MCRS1: variants seen among roughly 807,000 people sequenced by gnomAD.
MCRS1 encodes the protein microspherule protein 1.
Under a neutral mutation model 62.9 loss-of-function variants are expected in MCRS1, and 22 were observed. That is an observed-to-expected ratio of 0.35 (90% CI 0.25 to 0.50). MCRS1 has a LOEUF of 0.50. Among genes scored for constraint, MCRS1 ranks in the 20% least tolerant of loss-of-function variants. The probability of loss-of-function intolerance (pLI) is 0.98; values close to 1 mark genes in which losing one functional copy is unlikely to be tolerated. For missense variants in MCRS1, 456 were observed against 601.1 expected (o/e 0.76, Z 2.52); for synonymous variants, 244 against 233.5 (o/e 1.04, Z -0.41).
intron 4 of MCRS1, 200 bp downstream of exon 4, chr12:49,565,329 G>A (rs1938998414): frequency 1.0e-6 from 1 of 985,406 alleles, no homozygotes; most frequent in Non-Finnish European, 1.2e-6. Context: ...TGCAATGGCA[G>A]GGTTGGGGGT....
rs191517895 is a variant in MCRS1, at chr12:49,565,747, C to G, written c.150-80G>C. On this transcript the variant is annotated intron_variant, in intron 3 of 14. Coordinates refer to ENST00000343810, the MANE Select transcript of MCRS1 (RefSeq NM_006337.5). ...CACACCCCCAGCCCCCAAAAGAGAG[C>G]AGGTGCCCAGTAGGGTGCTATCTGC... 2.5e-6 allele frequency: 4 copies of G among 1,596,906 alleles called. No individual in the cohort carries two copies. The East Asian group carries it at 8.9e-5, about 36-fold the overall frequency.
Position 49,559,120 on chromosome 12 carries a change from C to G in MCRS1, c.1174+94G>C. On this transcript the variant is annotated intron_variant, in intron 13 of 14. Coordinates refer to ENST00000343810, the MANE Select transcript of MCRS1 (RefSeq NM_006337.5). This position sits in a 1 kb window ranked among gnomAD's most constrained non-coding sequence, Gnocchi z 5.2. ...TGCCTCAGGTGGTCCACGAGGGTCC[C>G]CATGGACACCAAGCCCAGGGCTAGA... 6.6e-7 allele frequency: 1 copy of G among 1,521,864 alleles called. No homozygotes were observed. Among genetic ancestry groups the G allele is most frequent in the Non-Finnish European group, 9.0e-7 (1 of 1,106,614 alleles). The allele number at this position is 1,521,864 out of a possible 1,614,324, so 94.3% of individuals were successfully genotyped here.
intron 4 of MCRS1, 82 bp from the exon 5 acceptor site, chr12:49,564,977 T>G (rs1938976867): frequency 1.3e-6 from 2 of 1,484,192 alleles, no homozygotes; most frequent in Non-Finnish European, 1.8e-6. Context: ...TCACATACTC[T>G]GTGGCAGCGG....
chr12:49,559,710 G>A lies in MCRS1; in HGVS notation c.1003+19C>T. 2 of 1,613,488 alleles carry A rather than the reference G, an allele frequency of 1.2e-6. No individual in the cohort carries two copies. The highest frequency in any genetic ancestry group is 1.7e-6 in the Non-Finnish European group (2 of 1,179,552). On this transcript the variant is annotated intron_variant, in intron 11 of 14. Transcript: ENST00000343810. This position sits in a 1 kb window ranked among gnomAD's most constrained non-coding sequence, Gnocchi z 5.2. ...AAGGATGCTGAAGAGTGAGCCTTCTGGTGCCCAGGCCTCCTCACCTGTGAT... is the reference window on the plus strand; with the variant it reads ...AAGGATGCTGAAGAGTGAGCCTTCTAGTGCCCAGGCCTCCTCACCTGTGAT...
At chr12:49,561,235 C>T (rs1938749484) in intron 8 of MCRS1, among the ~76,000 whole-genome samples, 1 of 152,206 alleles carries the variant, frequency 6.6e-6, no homozygotes, top group Non-Finnish European at 1.5e-5. Flanking sequence ...AATCTGAAAA[C>T]CTCTGCTTTT....
At position 49,564,727 on chromosome 12, in the gene MCRS1, G is replaced by C; in HGVS notation, c.447+10C>G. 6.2e-7 allele frequency: 1 copy of C among 1,606,982 alleles called. No homozygotes were observed. The highest frequency in any genetic ancestry group is 8.5e-7 in the Non-Finnish European group (1 of 1,175,380). ...AAAGGGGCACACTGAGCCTATGGTG[G>C]GGGCACTACCTGCAACACAGCATTT... On this transcript the variant is annotated intron_variant, in intron 5 of 14. Coordinates refer to ENST00000343810, the MANE Select transcript of MCRS1 (RefSeq NM_006337.5).
chr12:49,563,845 C>T (rs899702501), intron 6 of MCRS1, among the ~76,000 whole-genome samples: 1 of 152,232 alleles, frequency 6.6e-6, no homozygotes, highest in Non-Finnish European at 1.5e-5. Flanking sequence ...TTGGCCAAAG[C>T]TGCCACCCCC....
chr12:49,558,834 C>T lies in MCRS1; in HGVS notation c.1302+9G>A, dbSNP rs749608486. On this transcript the variant is annotated intron_variant, in intron 14 of 14. Transcript: ENST00000343810. The stretch of plus-strand genomic sequence containing the variant: ...TCATCCTGGCCTTCCTGCCTCCTCC[C>T]CAGCTCACCTCCACCACAGAGTTGT... 3.7e-4 allele frequency: 602 copies of T among 1,613,124 alleles called. No individual in the cohort carries two copies. The highest frequency in any genetic ancestry group is 4.9e-4 in the Non-Finnish European group (573 of 1,180,034).
intron 5 of MCRS1, 67 bp downstream of exon 5, chr12:49,564,670 C>T: frequency 1.9e-6 from 3 of 1,604,608 alleles, no homozygotes; most frequent in Non-Finnish European, 2.6e-6. Context: ...CCCTGTTGGG[C>T]TAATTTTGGG....
At chr12:49,566,314 C>G (rs1318923998) in intron 2 of MCRS1, 99 bp from the exon 3 acceptor site, 3 of 1,520,296 alleles carry the variant, frequency 2.0e-6, no homozygotes, top group Non-Finnish European at 2.7e-6. Context: ...GCCCTCTTGG[C>G]CCCTCCCCTG....
At chr12:49,560,082 G>A in intron 9 of MCRS1, 115 bp from the exon 10 acceptor site, 2 of 1,429,264 alleles carry the variant, frequency 1.4e-6, no homozygotes, top group Non-Finnish European at 2.0e-6. Context: ...TGGTACATCA[G>A]GCCTTGGCCC....
intron 8 of MCRS1, among the ~76,000 whole-genome samples, chr12:49,561,792 C>T (rs1565789907): frequency 6.6e-6 from 1 of 152,154 alleles, no homozygotes; most frequent in Non-Finnish European, 1.5e-5. Context: ...CCAGGCCTGG[C>T]TACTTTTTGT....
chr12:49,559,674 A>G lies in MCRS1; in HGVS notation c.1003+55T>C. The G allele has an allele frequency of 1.2e-6, 2 of 1,604,376 alleles. No individual in the cohort carries two copies. Among genetic ancestry groups the G allele is most frequent in the Non-Finnish European group, 1.7e-6 (2 of 1,172,100 alleles). ...CCCAGCCAGGCAGCAACAGGGGCAC[A>G]GGCTGGGGCGAAGGATGCTGAAGAG... On this transcript the variant is annotated intron_variant, in intron 11 of 14. Transcript: ENST00000343810. This position sits in a 1 kb window ranked among gnomAD's most constrained non-coding sequence, Gnocchi z 5.2.
At chr12:49,562,166 C>T (rs1468910063) in intron 8 of MCRS1, among the ~76,000 whole-genome samples, 1 of 152,174 alleles carries the variant, frequency 6.6e-6, no homozygotes, top group Non-Finnish European at 1.5e-5. Flanking sequence ...TTTTCCTAAG[C>T]AGAAGCTGCG....
Position 49,559,887 on chromosome 12 carries a change from T to C in MCRS1, c.910+52A>G. Reference sequence around the variant, plus strand: ...CACCAGCACCTTGTACTGGTCCTCTTGATTCTGGCAGGAGCTTCCATCCCC... The same window carrying C: ...CACCAGCACCTTGTACTGGTCCTCTCGATTCTGGCAGGAGCTTCCATCCCC... On this transcript the variant is annotated intron_variant, in intron 10 of 14. Transcript: ENST00000343810. This position sits in a 1 kb window ranked among gnomAD's most constrained non-coding sequence, Gnocchi z 5.2. The C allele has an allele frequency of 1.2e-6, 2 of 1,614,118 alleles. No individual in the cohort carries two copies. The highest frequency in any genetic ancestry group is 1.7e-6 in the Non-Finnish European group (2 of 1,179,976).
At position 49,560,338 on chromosome 12, in the gene MCRS1, T is replaced by G. The variant is rs1264826998; in HGVS notation, c.838A>C (p.Asn280His). 6.2e-7 allele frequency: 1 copy of G among 1,614,206 alleles called. No homozygotes were observed. Among genetic ancestry groups the G allele is most frequent in the Admixed American group, 1.7e-5 (1 of 60,028 alleles). Reference sequence around the variant, plus strand: ...ATCAGGTCCTCTGCATCAGAGAAGTTCAGCACTTGGTCCCCTTTGGGCAGC... The same window carrying G: ...ATCAGGTCCTCTGCATCAGAGAAGTGCAGCACTTGGTCCCCTTTGGGCAGC... ...QPLPKGDQVL[N>H]FSDAEDLIDD... Residue 280 changes from asparagine (N) to histidine (H), a missense_variant, in exon 9 of 15, where the codon AAC becomes CAC. By Grantham distance (68) the Asn-to-His change is moderately conservative. Around this residue, in one of 3 missense-constraint regions of MCRS1, gnomAD observed 393 missense variants for 523.5 expected, o/e 0.75. Coordinates refer to ENST00000343810, the MANE Select transcript of MCRS1 (RefSeq NM_006337.5).
At position 49,564,901 on chromosome 12, in the gene MCRS1, C is replaced by A. The variant is rs534500411; in HGVS notation, c.289-6G>T. 290 of 1,582,954 alleles carry A rather than the reference C, an allele frequency of 1.8e-4. 4 individuals carry two copies. In the South Asian group the frequency reaches 3.0e-3, roughly 16 times the overall value. ...GTGCTGGGGGCTTTGGATACCTGGG[C>A]AGAGGACAGGAACAAACCAAGCTCA... On this transcript the variant is annotated splice_region_variant and splice_polypyrimidine_tract_variant and intron_variant, in intron 4 of 14. Coordinates refer to ENST00000343810, the MANE Select transcript of MCRS1 (RefSeq NM_006337.5).
chr12:49,561,275 T>C (rs1478461523), intron 8 of MCRS1, among the ~76,000 whole-genome samples: 4 of 152,188 alleles, frequency 2.6e-5, no homozygotes, highest in African/African-American at 9.7e-5. Context: ...CTGTAGGGTG[T>C]GCTCTATAGC....
rs768565145 is a variant in MCRS1, at chr12:49,564,584, C to T, written c.454G>A (p.Asp152Asn). The change falls in exon 6 of 15, where the codon GAC (aspartate) becomes AAC (asparagine). Residue 152 changes from aspartate to asparagine, a missense_variant. This residue lies in a region of MCRS1 where 393 missense variants were observed against 523.5 expected (regional missense o/e 0.75). Transcript: ENST00000343810. Reference sequence around the variant, plus strand: ...ACGCCCAGGTGGACGGAGGTCAGGTCGTTGGTCTGCAAGGCCCCAGAAGGA... The same window carrying T: ...ACGCCCAGGTGGACGGAGGTCAGGTTGTTGGTCTGCAAGGCCCCAGAAGGA... ...LLINAVLQTN[D>N]LTSVHLGVKF... 3.7e-6 allele frequency: 6 copies of T among 1,609,162 alleles called. No individual in the cohort carries two copies. The highest frequency in any genetic ancestry group is 5.1e-6 in the Non-Finnish European group (6 of 1,177,860).
Sources: gnomAD v4.1 joint callset for allele counts (sites outside exome capture counted in the v4.1 genomes callset) on GRCh38, gnomAD v4.1.1 for gene constraint, gnomAD v4.1.1 regional missense constraint, Gnocchi (gnomAD v3.1) non-coding constraint, MANE v1.5 for transcripts, NCBI Gene and HGNC (gene_info 2026-07-23, HGNC 2026-07-21) for gene names.